Variants in PTPN9 observed in about 807,000 individuals in gnomAD.
PTPN9 encodes protein tyrosine phosphatase non-receptor type 9.
A neutral mutation model predicts 69.8 loss-of-function variants in PTPN9; 26 were observed. The observed-to-expected ratio is 0.37, with a 90% CI of 0.27 to 0.52. PTPN9 has a LOEUF of 0.52. Among genes scored for constraint, PTPN9 ranks in the 20% least tolerant of loss-of-function variants. PTPN9 has a pLI of 0.91. For missense variants in PTPN9, 549 were observed against 740.3 expected, an observed-to-expected ratio of 0.74 and a Z score of 3.00; for synonymous variants, 274 against 272.5, an observed-to-expected ratio of 1.01 and a Z score of -0.05.
At chr15:75,516,725 T>G (rs573731447) in intron 5 of PTPN9, among the ~76,000 whole-genome samples, 2 of 138,464 alleles carry the variant, frequency 1.4e-5, no homozygotes, top group East Asian at 4.5e-4. Context: ...CTTTTATGAC[T>G]CAGAATGTTC....
intron 1 of PTPN9, among the ~76,000 whole-genome samples, chr15:75,535,142 G>A (rs1289701715): frequency 2.0e-5 from 3 of 151,562 alleles, no homozygotes; most frequent in Admixed American, 6.6e-5. Context: ...GACTACAGGC[G>A]GCCGCCACCA....
intron 1 of PTPN9, among the ~76,000 whole-genome samples, chr15:75,575,059 C>T (rs1296456933): frequency 4.2e-5 from 1 of 23,814 alleles, no homozygotes; most frequent in East Asian, 9.1e-4. Flanking sequence ...CTGCAAGCTC[C>T]GCCTCCCGGG....
At chr15:75,572,896 C>T (rs2075155451) in intron 1 of PTPN9, among the ~76,000 whole-genome samples, 2 of 152,116 alleles carry the variant, frequency 1.3e-5, no homozygotes, top group Non-Finnish European at 2.9e-5. Flanking sequence ...ATTTCTTGCA[C>T]AGAGTATACA....
intron 1 of PTPN9, among the ~76,000 whole-genome samples, chr15:75,534,777 A>G (rs896048265): frequency 1.3e-5 from 2 of 151,882 alleles, no homozygotes; most frequent in Non-Finnish European, 2.9e-5. Flanking sequence ...GTTTGAGACC[A>G]GCCTGGCCAA....
chr15:75,469,860 G>T lies in PTPN9; in HGVS notation c.1499C>A (p.Ala500Glu), dbSNP rs748783045. Residue 500 changes from alanine (A) to glutamate (E), a missense_variant, in exon 12 of 13, where the codon GCA (alanine) becomes GAA (glutamate). Around this residue, in one of 3 missense-constraint regions of PTPN9, gnomAD observed 457 missense variants for 661.9 expected, o/e 0.69. Transcript: ENST00000618819. ...CTCAGGGCACTGCCCTTTGGAGCGT[G>T]CTCCCATGTTGCTCACAGCCAGACT... ...QQSLAVSNMG[A>E]RSKGQCPEPP... The T allele has an allele frequency of 2.2e-5, 35 of 1,613,870 alleles. No individual in the cohort carries two copies. Among genetic ancestry groups the T allele is most frequent in the Non-Finnish European group, 2.6e-5 (31 of 1,180,054 alleles).
chr15:75,499,208 G>A (rs572714632), intron 7 of PTPN9, among the ~76,000 whole-genome samples: 5 of 152,246 alleles, frequency 3.3e-5, no homozygotes, highest in Non-Finnish European at 7.4e-5. Context: ...TTCTTTGTAA[G>A]TAGCTCTACT....
chr15:75,504,215 G>A (rs1301410872), intron 7 of PTPN9, among the ~76,000 whole-genome samples: 4 of 119,480 alleles, frequency 3.3e-5, no homozygotes, highest in Admixed American at 7.9e-5. Flanking sequence ...GGTCGGGGGG[G>A]TCAGCCCCCC....
chr15:75,559,800 T>C (rs936615313), intron 1 of PTPN9, among the ~76,000 whole-genome samples: 3 of 147,868 alleles, frequency 2.0e-5, no homozygotes, highest in African/African-American at 7.4e-5. Flanking sequence ...AAAGAAAATA[T>C]TTGGGGTGGC....
chr15:75,565,001 TA>T (rs2141342829), intron 1 of PTPN9, among the ~76,000 whole-genome samples: 1 of 151,412 alleles, frequency 6.6e-6, no homozygotes, highest in South Asian at 2.1e-4. Context: ...CTCAGGAGAC[TA>T]AGGCAGGAGA....
intron 1 of PTPN9, among the ~76,000 whole-genome samples, chr15:75,555,822 A>C (rs368280617): frequency 6.6e-6 from 1 of 151,830 alleles, no homozygotes; most frequent in South Asian, 2.1e-4. Flanking sequence ...TGCATTTTTA[A>C]CAAGCTCCCA....
intron 1 of PTPN9, among the ~76,000 whole-genome samples, chr15:75,560,318 T>C (rs756571724): frequency 6.6e-6 from 1 of 152,164 alleles, no homozygotes; most frequent in Non-Finnish European, 1.5e-5. Context: ...GAAAATCTTG[T>C]ATATTTTAAT....
chr15:75,504,803 G>A (rs1449846569), intron 7 of PTPN9, among the ~76,000 whole-genome samples: 4 of 142,310 alleles, frequency 2.8e-5, no homozygotes, highest in African/African-American at 8.1e-5. Context: ...GGAGGTGGGG[G>A]GGTCAGCCCC....
Position 75,467,005 on chromosome 15 carries a change from C to T in PTPN9, c.*1764G>A, listed in dbSNP as rs2074539081. On this transcript the variant is annotated 3_prime_UTR_variant, in exon 13 of 13. Transcript: ENST00000618819. The stretch of plus-strand genomic sequence containing the variant: ...ACAAGGTGAACTCATAGTGTCAGAA[C>T]TCAAAGTCTCAGATACTGAAGGCTT... 6.6e-6 allele frequency: 1 copy of T among 152,236 alleles called. No individual in the cohort carries two copies. Among genetic ancestry groups the T allele is most frequent in the Non-Finnish European group, 1.5e-5 (1 of 68,072 alleles). 9.4% of individuals were successfully genotyped at this position (152,236 alleles called of 1,614,324 possible).
At position 75,469,818 on chromosome 15, in the gene PTPN9, T is replaced by A. The variant is rs1240176520; in HGVS notation, c.1541A>T (p.His514Leu). Reference sequence around the variant, plus strand: ...TGTCCTGCCAATGCCTGCACTGCAATGGACCACAATGGGTGGCTCAGGGCA... The same window carrying A: ...TGTCCTGCCAATGCCTGCACTGCAAAGGACCACAATGGGTGGCTCAGGGCA... ...GQCPEPPIVV[H>L]CSAGIGRTGT... Residue 514 changes from histidine to leucine, a missense_variant, in exon 12 of 13, where the codon CAT (histidine) becomes CTT (leucine). This residue lies in a region of PTPN9 where 457 missense variants were observed against 661.9 expected (regional missense o/e 0.69). Transcript: ENST00000618819. The A allele has an allele frequency of 4.3e-6, 7 of 1,613,224 alleles. No homozygotes were observed. Among genetic ancestry groups the A allele is most frequent in the Non-Finnish European group, 5.9e-6 (7 of 1,180,028 alleles).
At chr15:75,513,883 G>A (rs1173880405) in intron 5 of PTPN9, among the ~76,000 whole-genome samples, 3 of 151,780 alleles carry the variant, frequency 2.0e-5, no homozygotes, top group Non-Finnish European at 4.4e-5. Flanking sequence ...TGGATCACCT[G>A]AGGTCAGGAG....
intron 7 of PTPN9, among the ~76,000 whole-genome samples, chr15:75,496,575 C>A (rs2074743592): frequency 6.6e-6 from 1 of 151,104 alleles, no homozygotes; most frequent in South Asian, 2.1e-4. Flanking sequence ...TGGCTCACTG[C>A]AGCCTCAACG....
intron 8 of PTPN9, among the ~76,000 whole-genome samples, chr15:75,486,988 T>C (rs1430364810): frequency 6.6e-6 from 1 of 151,942 alleles, no homozygotes; most frequent in Non-Finnish European, 1.5e-5. Flanking sequence ...GGTTTCACCG[T>C]GTTAGCCAGG....
chr15:75,469,986 C>T lies in PTPN9; in HGVS notation c.1373G>A (p.Arg458His), dbSNP rs1007808448. Residue 458 changes from arginine to histidine, a missense_variant, in exon 12 of 13, where the codon CGC (arginine) becomes CAC (histidine). Physicochemically the swap from Arg to His is conservative, Grantham distance 29. Transcript: ENST00000618819. ...CAAGAACTGGAAGTGGGTCACCTGGCGTTTCTGCCGTTCCTTAGATAAGAA... is the reference window on the plus strand; with the variant it reads ...CAAGAACTGGAAGTGGGTCACCTGGTGTTTCTGCCGTTCCTTAGATAAGAA... ...EIHNTEERQK[R>H]QVTHFQFLSW... 10 of 1,611,492 alleles carry T rather than the reference C, an allele frequency of 6.2e-6. No individual in the cohort carries two copies. Among genetic ancestry groups the T allele is most frequent in the South Asian group, 1.1e-5 (1 of 91,024 alleles).
chr15:75,542,496 C>T (rs1036673151), intron 1 of PTPN9, among the ~76,000 whole-genome samples: 3 of 152,182 alleles, frequency 2.0e-5, no homozygotes, highest in Admixed American at 1.3e-4. Flanking sequence ...CCACTGGGAA[C>T]GGATCAACAG....
Sources: allele counts gnomAD v4.1 joint callset (sites outside exome capture counted in the v4.1 genomes callset), GRCh38; gene constraint gnomAD v4.1.1; regional missense constraint gnomAD v4.1.1; transcripts MANE v1.5; gene names NCBI Gene and HGNC (gene_info 2026-07-23, HGNC 2026-07-21).